C5orf34: variants seen among roughly 807,000 people sequenced by gnomAD.
C5orf34 encodes uncharacterized protein C5orf34.
Under a neutral mutation model 78.4 loss-of-function variants are expected in C5orf34, and 73 were observed. The observed-to-expected ratio is 0.93, with a 90% confidence interval of 0.77 to 1.13. C5orf34 has a LOEUF of 1.13. Ranked by LOEUF, C5orf34 falls within the 50% of genes most tolerant of loss-of-function variation. The probability of loss-of-function intolerance (pLI) is 0.00; values close to 1 mark genes in which losing one functional copy is unlikely to be tolerated. For missense variants in C5orf34, 730 were observed against 732.7 expected, an observed-to-expected ratio of 1.00 and a Z score of 0.04; for synonymous variants, 251 against 246.6, an observed-to-expected ratio of 1.02 and a Z score of -0.17.
rs1341778302 is a variant in C5orf34 at position 43,506,299 on chromosome 5, A to G, written c.381T>C (p.Ser127=). 3.1e-6 allele frequency: 5 copies of G among 1,614,060 alleles called. No homozygotes were observed. The Admixed American group carries it at 8.3e-5, about 27-fold the overall frequency. Reference sequence around the variant, plus strand: ...GGCAGAGGTATGCATGACCATCTAAAGATGTTATCTTCACAATGCCACTCT... The same window carrying G: ...GGCAGAGGTATGCATGACCATCTAAGGATGTTATCTTCACAATGCCACTCT... The part of the protein sequence containing the change: ...YMESGIVKIT[S]LDGHAYLCLP... The change falls in exon 4 of 13, where the codon TCT becomes TCC. Residue 127 remains serine (S), a synonymous_variant. Coordinates refer to ENST00000306862, the MANE Select transcript of C5orf34 (RefSeq NM_198566.4).
rs147598915 is a variant in C5orf34, at chr5:43,486,951, G to A, written c.1881C>T (p.His627=). 1.0e-5 allele frequency: 16 copies of A among 1,553,630 alleles called. No individual in the cohort carries two copies. Among genetic ancestry groups the A allele is most frequent in the South Asian group, 1.2e-5 (1 of 80,792 alleles). ...IALKKTSEIL[H]DIDCLLSNSK... ...AGTTTGATAGAAGACAGTCAATATC[G>A]TGAAGGATTTCAGAGGTTTTTTTCA... Residue 627 remains histidine, a synonymous_variant, in exon 13 of 13, where the codon CAC becomes CAT. Coordinates refer to ENST00000306862, the MANE Select transcript of C5orf34 (RefSeq NM_198566.4).
intron 6 of C5orf34, 83 bp downstream of exon 6, chr5:43,502,289 C>G: frequency 7.0e-7 from 1 of 1,434,564 alleles, no homozygotes; most frequent in South Asian, 1.2e-5. Context: ...ATATAATGAC[C>G]AAATTTCCCA....
At position 43,505,835 on chromosome 5, in the gene C5orf34, G is replaced by C; in HGVS notation, c.845C>G (p.Thr282Ser). 6.2e-7 allele frequency: 1 copy of C among 1,613,298 alleles called. No individual in the cohort carries two copies. The highest frequency in any genetic ancestry group is 1.3e-5 in the African/African-American group (1 of 75,020). ...DAHITQSRFL[T>S]SDISEERGKV... ...TCCTCTTTCCTCTGAAATATCAGAA[G>C]TTAAAAATCTACTCTGAGTTATATG... Residue 282 changes from threonine (T) to serine (S), a missense_variant, in exon 4 of 13, where the codon ACT becomes AGT. By Grantham distance (58) the Thr-to-Ser change is moderately conservative. Coordinates refer to ENST00000306862, the MANE Select transcript of C5orf34 (RefSeq NM_198566.4).
intron 6 of C5orf34, among the ~76,000 whole-genome samples, chr5:43,497,291 T>C (rs1745573050): frequency 6.6e-6 from 1 of 152,236 alleles, no homozygotes; most frequent in Admixed American, 6.5e-5. Context: ...TTAAATATCA[T>C]AATAGCAACA....
chr5:43,491,996 C>A, intron 10 of C5orf34, among the ~76,000 whole-genome samples: 1 of 124,962 alleles, frequency 8.0e-6, no homozygotes, highest in African/African-American at 3.2e-5. Context: ...AGGAGCAAAA[C>A]TCTGTCTCAA....
At chr5:43,494,194 A>AT (rs943452027) in intron 7 of C5orf34, among the ~76,000 whole-genome samples, 7 of 152,302 alleles carry the variant, frequency 4.6e-5, no homozygotes, top group Admixed American at 2.0e-4. Flanking sequence ...GTAACATCAA[A>AT]TCTCCAACTT....
intron 11 of C5orf34, chr5:43,490,212 G>T (rs1386456304): frequency 6.0e-6 from 1 of 166,314 alleles, no homozygotes; most frequent in Non-Finnish European, 1.3e-5. Flanking sequence ...CAGTTAATTT[G>T]GGAGAAGTAA....
intron 11 of C5orf34, chr5:43,488,240 G>A (rs34868623): frequency 0.018 from 6,881 of 391,782 alleles, 204 homozygotes; most frequent in East Asian, 0.12. Context: ...TTACTTCTTA[G>A]TACTAACCTA....
intron 11 of C5orf34, 70 bp from the exon 12 acceptor site, chr5:43,488,019 C>A: frequency 8.3e-7 from 1 of 1,204,976 alleles, no homozygotes. Flanking sequence ...TTCAAATAAG[C>A]ATACCTGACT....
intron 7 of C5orf34, 73 bp downstream of exon 7, chr5:43,494,437 C>T (rs1745413193): frequency 1.0e-6 from 1 of 979,326 alleles, no homozygotes; most frequent in African/African-American, 1.6e-5. Context: ...TTAATCTTAT[C>T]CTTAATCACA....
At chr5:43,503,910 A>C in intron 4 of C5orf34, 150 bp from the exon 5 acceptor site, 1 of 586,488 alleles carries the variant, frequency 1.7e-6, no homozygotes, top group Non-Finnish European at 3.0e-6. Flanking sequence ...TATATTAATG[A>C]AATGTAAAAA....
intron 1 of C5orf34, chr5:43,514,361 A>T (rs1189054404): frequency 2.0e-5 from 3 of 152,196 alleles, no homozygotes; most frequent in Non-Finnish European, 2.9e-5. Flanking sequence ...TATATATATA[A>T]ACACACACGT....
intron 1 of C5orf34, among the ~76,000 whole-genome samples, chr5:43,509,943 C>CG (rs1040175990): frequency 3.6e-4 from 55 of 151,826 alleles, no homozygotes; most frequent in African/African-American, 1.3e-3. Flanking sequence ...TTAGTAGAGA[C>CG]GGGGTTTTAC....
chr5:43,490,311 T>A (rs1745227674), intron 11 of C5orf34: 1 of 181,332 alleles, frequency 5.5e-6, no homozygotes, highest in African/African-American at 2.4e-5. Context: ...ACTAAAAATT[T>A]AAGAATCCCC....
At chr5:43,489,100 CTT>C (rs35229643) in intron 11 of C5orf34, among the ~76,000 whole-genome samples, 2 of 148,060 alleles carry the variant, frequency 1.4e-5, no homozygotes, top group Non-Finnish European at 3.0e-5. Context: ...TGCAAAATAT[CTT>C]TTTTTTTTTA....
chr5:43,486,713 C>G lies in C5orf34; in HGVS notation c.*202G>C, dbSNP rs567072222. The G allele has an allele frequency of 3.2e-6, 1 of 315,830 alleles. No individual in the cohort carries two copies. The highest frequency in any genetic ancestry group is 2.1e-5 in the African/African-American group (1 of 46,990). The allele number at this position is 315,830 out of a possible 1,614,324, so 19.6% of individuals were successfully genotyped here. ...AGAATTAAATGTGAAACGTTCAAAA[C>G]TTCGAAATATTTATTATTAAGATAT... On this transcript the variant is annotated 3_prime_UTR_variant, in exon 13 of 13. Transcript: ENST00000306862.
Position 43,495,650 on chromosome 5 carries a change from C to G in C5orf34, c.1153-1049G>C. On this transcript the variant is annotated intron_variant, in intron 6 of 12. Coordinates refer to ENST00000306862, the MANE Select transcript of C5orf34 (RefSeq NM_198566.4). ...GACCACCACACCAGGTTTGAGAACA[C>G]CAGTCTCCACTCGGCCAACAGGAAC... The G allele has an allele frequency of 8.8e-6, 14 of 1,588,120 alleles. No homozygotes were observed. The South Asian group carries it at 1.5e-4, about 18-fold the overall frequency.
In C5orf34 at chr5:43,492,283, C is replaced by T. The variant is rs1186740204; in HGVS notation, c.1512G>A (p.Trp504Ter). The T allele has an allele frequency of 6.2e-7, 1 of 1,609,626 alleles. No homozygotes were observed. Among genetic ancestry groups the T allele is most frequent in the South Asian group, 1.1e-5 (1 of 90,342 alleles). ...RQVNQGLNLG[W>*]CKLTFPDGQE... ...GTCCATCAGGAAAAGTTAACTTACACCAACCTAAGTTAAGACCTTGATTTA... is the reference window on the plus strand; with the variant it reads ...GTCCATCAGGAAAAGTTAACTTACATCAACCTAAGTTAAGACCTTGATTTA... The change falls in exon 10 of 13, where the codon TGG becomes TGA. Residue 504 changes from tryptophan (W) to a stop codon, truncating the protein, a stop_gained. Transcript: ENST00000306862. LOFTEE classifies it high-confidence loss of function.
rs11299417 is a variant in C5orf34 at position 43,512,026 on chromosome 5, TAA to T, written c.-36-2653_-36-2652del. The stretch of plus-strand genomic sequence containing the variant: ...TGAGAAACACCCAAGAATGATCAAC[TAA>T]AAAAAAAAAAAAAAAAAAGAGTTGG... On this transcript the variant is annotated intron_variant, in intron 1 of 12. Transcript: ENST00000306862. 6.0e-3 allele frequency among the ~76,000 whole-genome samples: 721 copies of T among 119,544 alleles called. 1 individual carries two copies. Among genetic ancestry groups the T allele is most frequent in the African/African-American group, 0.015 (462 of 31,478 alleles). 78.4% of individuals were successfully genotyped at this position (119,544 alleles called of 152,430 possible).
Sources: allele counts gnomAD v4.1 joint callset (sites outside exome capture counted in the v4.1 genomes callset), GRCh38; gene constraint gnomAD v4.1.1; transcripts MANE v1.5; gene names NCBI Gene and HGNC (gene_info 2026-07-23, HGNC 2026-07-21).